Variants in FBXO21 observed in about 807,000 individuals in gnomAD.
FBXO21 encodes the protein F-box protein 21, also known as F-box only protein 21.
FBXO21 carries 32 observed loss-of-function variants against 76.6 expected under a neutral mutation model. The ratio of observed to expected loss-of-function variants is 0.42; its 90% CI spans 0.32 to 0.56. The LOEUF (loss-of-function observed/expected upper bound fraction) is 0.56. Among genes scored for constraint, FBXO21 ranks in the 20% least tolerant of loss-of-function variants. The pLI is 0.16. For missense variants in FBXO21, 586 were observed against 797.3 expected, an observed-to-expected ratio of 0.73 and a Z score of 3.19; for synonymous variants, 328 against 311.5, an observed-to-expected ratio of 1.05 and a Z score of -0.56.
At chr12:117,177,233 G>A (rs1325258938) in intron 4 of FBXO21, among the ~76,000 whole-genome samples, 1 of 152,198 alleles carries the variant, frequency 6.6e-6, no homozygotes, top group Non-Finnish European at 1.5e-5. Flanking sequence ...CGGAAAAACA[G>A]GAATTTACTT....
At chr12:117,182,402 A>G (rs997775826) in intron 3 of FBXO21, among the ~76,000 whole-genome samples, 3 of 151,714 alleles carry the variant, frequency 2.0e-5, no homozygotes, top group Non-Finnish European at 2.9e-5. Context: ...AGGCCAGAGG[A>G]TCCCCTGAAC....
intron 2 of FBXO21, among the ~76,000 whole-genome samples, chr12:117,188,309 C>T (rs1397863366): frequency 6.6e-6 from 1 of 152,206 alleles, no homozygotes; most frequent in Non-Finnish European, 1.5e-5. Context: ...CTTTGGTTTG[C>T]AGAGGCCGGC....
chr12:117,183,601 T>C (rs956448720), intron 3 of FBXO21, among the ~76,000 whole-genome samples: 5 of 152,218 alleles, frequency 3.3e-5, no homozygotes, highest in African/African-American at 1.2e-4. Flanking sequence ...TTTTCCGTGA[T>C]TGTTAGATGT....
chr12:117,151,753 G>A (rs1955844990), intron 11 of FBXO21, among the ~76,000 whole-genome samples: 1 of 152,122 alleles, frequency 6.6e-6, no homozygotes, highest in Non-Finnish European at 1.5e-5. Flanking sequence ...AGAGGGAGGG[G>A]GAAGGGAGAG....
intron 3 of FBXO21, among the ~76,000 whole-genome samples, chr12:117,185,630 G>A (rs1347018365): frequency 6.6e-6 from 1 of 152,170 alleles, no homozygotes; most frequent in African/African-American, 2.4e-5. Context: ...GATCAAGTGA[G>A]TCCCTAAGTA....
intron 11 of FBXO21, among the ~76,000 whole-genome samples, chr12:117,147,403 A>G (rs559500148): frequency 6.6e-6 from 1 of 151,494 alleles, no homozygotes; most frequent in African/African-American, 2.4e-5. Flanking sequence ...GTTTAAGACC[A>G]GCCTGGCCAA....
chr12:117,159,361 C>T (rs1955951856), intron 9 of FBXO21, among the ~76,000 whole-genome samples: 1 of 151,442 alleles, frequency 6.6e-6, no homozygotes, highest in Non-Finnish European at 1.5e-5. Flanking sequence ...AGGACTCAGG[C>T]TTAGTGAAGT....
chr12:117,186,584 CAT>C lies in FBXO21; in HGVS notation c.376-15_376-14del. ...CATTACAAGGAACCTATGAAGAAGA[CAT>C]ATACAAGTAGGCCTCAATTATGAGT... On this transcript the variant is annotated splice_polypyrimidine_tract_variant and intron_variant, in intron 2 of 11. Transcript: ENST00000622495. The C allele has an allele frequency of 6.4e-7, 1 of 1,560,934 alleles. No homozygotes were observed. Among genetic ancestry groups the C allele is most frequent in the Non-Finnish European group, 8.8e-7 (1 of 1,138,782 alleles).
At chr12:117,160,283 A>G (rs1955962638) in intron 9 of FBXO21, among the ~76,000 whole-genome samples, 1 of 152,142 alleles carries the variant, frequency 6.6e-6, no homozygotes, top group South Asian at 2.1e-4. Flanking sequence ...CCCACAAGCT[A>G]TAGTTTGCTG....
At chr12:117,171,230 T>C (rs1056464426) in intron 7 of FBXO21, among the ~76,000 whole-genome samples, 13 of 151,770 alleles carry the variant, frequency 8.6e-5, no homozygotes, top group African/African-American at 2.7e-4. Flanking sequence ...TGGTGGTACA[T>C]GCCTGTGGTC....
intron 4 of FBXO21, among the ~76,000 whole-genome samples, chr12:117,175,570 T>C (rs1956164599): frequency 6.6e-6 from 1 of 152,224 alleles, no homozygotes; most frequent in South Asian, 2.1e-4. Flanking sequence ...CTCAAAGCAG[T>C]TGAACGGGTG....
chr12:117,174,529 T>C, intron 5 of FBXO21, 122 bp downstream of exon 5: 1 of 1,271,670 alleles, frequency 7.9e-7, no homozygotes, highest in African/African-American at 1.5e-5. Context: ...GGTAAACACG[T>C]GGTCACGTCA....
Position 117,174,763 on chromosome 12 carries a change from G to A in FBXO21, c.627C>T (p.Leu209=). ...AVYIDQYCNP[L]SDISLKDIQA... The stretch of plus-strand genomic sequence containing the variant: ...GGATGTCTTTGAGGCTGATGTCGGA[G>A]AGAGGATTGCAGTACTGGTCAATAT... Residue 209 remains leucine (L), a synonymous_variant, in exon 5 of 12, where the codon CTC becomes CTT. Transcript: ENST00000622495. 1 of 1,614,176 alleles carries A rather than the reference G, an allele frequency of 6.2e-7. No homozygotes were observed. The highest frequency in any genetic ancestry group is 8.5e-7 in the Non-Finnish European group (1 of 1,180,022).
At chr12:117,163,907 G>A (rs1831875648) in intron 9 of FBXO21, among the ~76,000 whole-genome samples, 1 of 152,066 alleles carries the variant, frequency 6.6e-6, no homozygotes, top group Non-Finnish European at 1.5e-5. Context: ...TCGTGCCGCT[G>A]CACTCCAGCC....
chr12:117,167,109 T>G (rs1273398238), intron 7 of FBXO21, 32 bp from the exon 8 acceptor site: 29 of 1,560,606 alleles, frequency 1.9e-5, no homozygotes, highest in Non-Finnish European at 2.5e-5. Context: ...AGATGAGAGC[T>G]GAACAACTCA....
At chr12:117,174,527 C>G in intron 5 of FBXO21, 124 bp downstream of exon 5, 1 of 1,263,134 alleles carries the variant, frequency 7.9e-7, no homozygotes, top group Non-Finnish European at 1.1e-6. Context: ...CAGGTAAACA[C>G]GTGGTCACGT....
At chr12:117,155,614 AC>A (rs1955906214) in intron 11 of FBXO21, 176 bp downstream of exon 11, 1 of 697,778 alleles carries the variant, frequency 1.4e-6, no homozygotes, top group Admixed American at 2.7e-5. Flanking sequence ...CCAGGGCGGC[AC>A]CTGTGCAGAC....
At chr12:117,183,415 A>T (rs1342273624) in intron 3 of FBXO21, among the ~76,000 whole-genome samples, 1 of 151,994 alleles carries the variant, frequency 6.6e-6, no homozygotes, top group Non-Finnish European at 1.5e-5. Flanking sequence ...ACCTGCCACC[A>T]TGTCTGGCTA....
At chr12:117,181,645 CTAAT>C (rs1362645973) in intron 3 of FBXO21, among the ~76,000 whole-genome samples, 6 of 150,350 alleles carry the variant, frequency 4.0e-5, no homozygotes, top group Admixed American at 4.0e-4. Context: ...ATCTATCTAT[CTAAT>C]CTAGCTATCT....
Sources: allele counts gnomAD v4.1 joint callset (sites outside exome capture counted in the v4.1 genomes callset), GRCh38; gene constraint gnomAD v4.1.1; transcripts MANE v1.5; gene names NCBI Gene and HGNC (gene_info 2026-07-23, HGNC 2026-07-21).